The following LEPROT variants were observed in gnomAD, a reference collection of about 807,000 sequenced individuals.
LEPROT encodes the protein leptin receptor gene-related protein.
A neutral mutation model predicts 15.4 loss-of-function variants in LEPROT; 3 were observed. That is an observed-to-expected ratio of 0.19 (90% CI 0.09 to 0.50). The LOEUF (loss-of-function observed/expected upper bound fraction) is 0.50. Ranked by LOEUF, LEPROT falls within the 20% of genes least tolerant of loss-of-function variation. LEPROT has a pLI of 0.97. For synonymous variants in LEPROT, 59 were observed against 57.5 expected (o/e 1.03, Z -0.12); for missense variants, 137 against 162.2 (o/e 0.84, Z 0.84).
At chr1:65,423,959 A>C (rs574918141) in intron 1 of LEPROT, among the ~76,000 whole-genome samples, 6 of 152,190 alleles carry the variant, frequency 3.9e-5, no homozygotes, top group Admixed American at 2.0e-4. Flanking sequence ...TACATAGATT[A>C]TCTCATTTAA....
rs1646515210 is a variant in LEPROT, at chr1:65,433,401, C to T, written c.*1482C>T. 1 of 985,390 alleles carries T rather than the reference C, an allele frequency of 1.0e-6. No individual in the cohort carries two copies. The highest frequency in any genetic ancestry group is 4.7e-5 in the South Asian group (1 of 21,284). The allele number at this position is 985,390 out of a possible 1,614,324, so 61.0% of individuals were successfully genotyped here. On this transcript the variant is annotated 3_prime_UTR_variant, in exon 4 of 4. Coordinates refer to ENST00000371065, the MANE Select transcript of LEPROT (RefSeq NM_017526.5). The stretch of plus-strand genomic sequence containing the variant: ...GTTGGATCCTGTAATCACAGTTTTC[C>T]CTGCTCACCTTTTTGTCTAAGATCT...
At position 65,433,695 on chromosome 1, in the gene LEPROT, C is replaced by T. The variant is rs1417225610; in HGVS notation, c.*1776C>T. 1.0e-6 allele frequency: 1 copy of T among 969,874 alleles called. No homozygotes were observed. Among genetic ancestry groups the T allele is most frequent in the East Asian group, 1.1e-4 (1 of 8,758 alleles). The allele number at this position is 969,874 out of a possible 1,614,324, so 60.1% of individuals were successfully genotyped here. A position where few individuals can be genotyped will look rare whatever the true frequency, so the allele number is the denominator to read the frequency against. On this transcript the variant is annotated 3_prime_UTR_variant, in exon 4 of 4. Coordinates refer to ENST00000371065, the MANE Select transcript of LEPROT (RefSeq NM_017526.5). ...TATAGAATTGTTAAAGTTGTCATTT[C>T]CAATATTTATATTAGAAAAATTATT...
Position 65,434,706 on chromosome 1 carries a change from T to C in LEPROT, c.*2787T>C. Reference sequence around the variant, plus strand: ...CTCCTTTTAATTTTTCCACTCATTTTCACCTCCTAATGCCCTTGAGATCCA... The same window carrying C: ...CTCCTTTTAATTTTTCCACTCATTTCCACCTCCTAATGCCCTTGAGATCCA... On this transcript the variant is annotated 3_prime_UTR_variant, in exon 4 of 4. Transcript: ENST00000371065. The C allele has an allele frequency of 1.0e-6, 1 of 985,470 alleles. No homozygotes were observed. The highest frequency in any genetic ancestry group is 1.2e-6 in the Non-Finnish European group (1 of 829,950). The allele number at this position is 985,470 out of a possible 1,614,324, so 61.0% of individuals were successfully genotyped here.
intron 2 of LEPROT, among the ~76,000 whole-genome samples, chr1:65,425,946 T>C (rs2101683198): frequency 6.6e-6 from 1 of 152,234 alleles, no homozygotes; most frequent in African/African-American, 2.4e-5. Context: ...CCAGCTACTG[T>C]TATGGGAACT....
In LEPROT at chr1:65,434,298, CA is replaced by C. The variant is rs1290379834; in HGVS notation, c.*2380del. On this transcript the variant is annotated 3_prime_UTR_variant, in exon 4 of 4. Transcript: ENST00000371065. ...TGATCATGGTGACACAAATGTTGGA[CA>C]TTTTTTTCCTTATAAAAGGCTCTTT... 1.0e-5 allele frequency: 10 copies of C among 983,978 alleles called. No homozygotes were observed. The East Asian group carries it at 5.7e-4, about 56-fold the overall frequency. 61.0% of individuals were successfully genotyped at this position (983,978 alleles called of 1,614,324 possible).
In LEPROT at chr1:65,432,579, A is replaced by AG. The variant is rs1483165078; in HGVS notation, c.*660_*661insG. ...TGCTCATTTGTTTAAAAAAAAAAAA[A>AG]AAGTCTCACCTGCTTTCATGCTGAG... On this transcript the variant is annotated 3_prime_UTR_variant, in exon 4 of 4. Coordinates refer to ENST00000371065, the MANE Select transcript of LEPROT (RefSeq NM_017526.5). 4.1e-6 allele frequency: 4 copies of AG among 977,224 alleles called. No individual in the cohort carries two copies. In the East Asian group the frequency reaches 4.5e-4, roughly 111 times the overall value. 60.5% of individuals were successfully genotyped at this position (977,224 alleles called of 1,614,324 possible). A position where few individuals can be genotyped will look rare whatever the true frequency, so the allele number is the denominator to read the frequency against.
rs1003635317 is a variant in LEPROT at position 65,432,567 on chromosome 1, A to T, written c.*648A>T. On this transcript the variant is annotated 3_prime_UTR_variant, in exon 4 of 4. Transcript: ENST00000371065. ...CTGGGTGTTACCTGCTCATTTGTTT[A>T]AAAAAAAAAAAAAAGTCTCACCTGC... 2.8e-4 allele frequency: 26 copies of T among 93,356 alleles called. No individual in the cohort carries two copies. Among genetic ancestry groups the T allele is most frequent in the South Asian group, 4.3e-4 (1 of 2,350 alleles). The allele number at this position is 93,356 out of a possible 1,614,324, so 5.8% of individuals were successfully genotyped here. A position where few individuals can be genotyped will look rare whatever the true frequency, so the allele number is the denominator to read the frequency against.
At chr1:65,422,185 A>G (rs1557578209) in intron 1 of LEPROT, among the ~76,000 whole-genome samples, 1 of 152,350 alleles carries the variant, frequency 6.6e-6, no homozygotes, top group Non-Finnish European at 1.5e-5. Flanking sequence ...TTAAAATGAT[A>G]ACTGGTTTAA....
Position 65,420,796 on chromosome 1 carries a change from G to C in LEPROT, c.16+56G>C, listed in dbSNP as rs903265562. On this transcript the variant is annotated intron_variant, in intron 1 of 3. Coordinates refer to ENST00000371065, the MANE Select transcript of LEPROT (RefSeq NM_017526.5). ...GTGGTGGGGTTGCCACCTCCGTTCC[G>C]GTCAAGCCTGGGGCTGCGCCTTCCG... 16 of 1,553,710 alleles carry C rather than the reference G, an allele frequency of 1.0e-5. No homozygotes were observed. In the African/African-American group the frequency reaches 1.9e-4, roughly 19 times the overall value.
At position 65,432,872 on chromosome 1, in the gene LEPROT, C is replaced by T. The variant is rs1646505724; in HGVS notation, c.*953C>T. ...ATGTTAATTAGTGTAATCATTCCAC[C>T]TTATATTCAAAAATCATAAAACCGT... On this transcript the variant is annotated 3_prime_UTR_variant, in exon 4 of 4. Transcript: ENST00000371065. 3 of 784,692 alleles carry T rather than the reference C, an allele frequency of 3.8e-6. No homozygotes were observed. The South Asian group carries it at 1.7e-4, about 45-fold the overall frequency. The allele number at this position is 784,692 out of a possible 1,614,324, so 48.6% of individuals were successfully genotyped here.
At chr1:65,422,199 G>C (rs1418036600) in intron 1 of LEPROT, among the ~76,000 whole-genome samples, 1 of 152,166 alleles carries the variant, frequency 6.6e-6, no homozygotes, top group Non-Finnish European at 1.5e-5. Context: ...GGTTTAAGGT[G>C]GGCCCTAATC....
rs149031661 is a variant in LEPROT at position 65,431,295 on chromosome 1, A to G, written c.280-508A>G. On this transcript the variant is annotated intron_variant, in intron 3 of 3. Coordinates refer to ENST00000371065, the MANE Select transcript of LEPROT (RefSeq NM_017526.5). ...AAGTAAAACAAAAAATGCCCACTAG[A>G]GGGTACTCTCACCCCCAAATGTGCT... Among the ~76,000 whole-genome samples, 281 of 152,330 alleles carry G rather than the reference A, an allele frequency of 1.8e-3. 1 individual carries two copies. Among genetic ancestry groups the G allele is most frequent in the Middle Eastern group, 0.01 (3 of 294 alleles).
rs1236996332 is a variant in LEPROT at position 65,427,699 on chromosome 1, CT to C, written c.93-2160del. ...GTTTTAATTCTCTGTGATACACTGT[CT>C]TTGTAAGGTAAGAAAATGACTCATT... On this transcript the variant is annotated intron_variant, in intron 2 of 3. Coordinates refer to ENST00000371065, the MANE Select transcript of LEPROT (RefSeq NM_017526.5). 5.5e-5 allele frequency: 15 copies of C among 273,682 alleles called. 1 individual carries two copies. The Admixed American group carries it at 6.3e-4, about 11-fold the overall frequency. 17.0% of individuals were successfully genotyped at this position (273,682 alleles called of 1,614,324 possible). A position where few individuals can be genotyped will look rare whatever the true frequency, so the allele number is the denominator to read the frequency against.
rs567637781 is a variant in LEPROT at position 65,433,172 on chromosome 1, C to A, written c.*1253C>A. 5.9e-5 allele frequency: 58 copies of A among 985,452 alleles called. No individual in the cohort carries two copies. Among genetic ancestry groups the A allele is most frequent in the African/African-American group, 3.7e-4 (21 of 57,334 alleles). 61.0% of individuals were successfully genotyped at this position (985,452 alleles called of 1,614,324 possible). A position where few individuals can be genotyped will look rare whatever the true frequency, so the allele number is the denominator to read the frequency against. On this transcript the variant is annotated 3_prime_UTR_variant, in exon 4 of 4. Coordinates refer to ENST00000371065, the MANE Select transcript of LEPROT (RefSeq NM_017526.5). The stretch of plus-strand genomic sequence containing the variant: ...TCCCCAGCTCCTTCCCTCTGCCCCC[C>A]ACCCCTACTCCTCAACAGTTCTGGT...
rs879134302 is a variant in LEPROT at position 65,429,903 on chromosome 1, C to T, written c.134C>T (p.Ser45Phe). 1 of 1,536,032 alleles carries T rather than the reference C, an allele frequency of 6.5e-7. No individual in the cohort carries two copies. Among genetic ancestry groups the T allele is most frequent in the Admixed American group, 1.7e-5 (1 of 57,758 alleles). Residue 45 changes from serine (S) to phenylalanine (F), a missense_variant, in exon 3 of 4, where the codon TCC (serine) becomes TTC (phenylalanine). Ser to Phe is a radical substitution (Grantham distance 155). Coordinates refer to ENST00000371065, the MANE Select transcript of LEPROT (RefSeq NM_017526.5). ...TTCGTCCTGATTTTCCACGCCATCT[C>T]CCCCATCCCCCATTTCATTGCCAAA... ...PLFVLIFHAISPIPHFIAKRV... is the reference protein window; with the variant it reads ...PLFVLIFHAIFPIPHFIAKRV...
In LEPROT at chr1:65,429,845, C is replaced by T; in HGVS notation, c.93-17C>T. The stretch of plus-strand genomic sequence containing the variant: ...TGTTACTTTTCTTTTTGGATTTTGC[C>T]TGGGTCCAACTGACAGCGTTTACTG... On this transcript the variant is annotated splice_polypyrimidine_tract_variant and intron_variant, in intron 2 of 3. Transcript: ENST00000371065. The T allele has an allele frequency of 7.1e-7, 1 of 1,399,384 alleles. No homozygotes were observed. The highest frequency in any genetic ancestry group is 9.4e-7 in the Non-Finnish European group (1 of 1,062,098). The allele number at this position is 1,399,384 out of a possible 1,614,324, so 86.7% of individuals were successfully genotyped here. A position where few individuals can be genotyped will look rare whatever the true frequency, so the allele number is the denominator to read the frequency against.
Position 65,434,663 on chromosome 1 carries a change from C to A in LEPROT, c.*2744C>A. ...GACAGTGCAACTTTCCACCCCTTTT[C>A]CTAAGAACAAGGTCTTTCTCCTTTT... On this transcript the variant is annotated 3_prime_UTR_variant, in exon 4 of 4. Coordinates refer to ENST00000371065, the MANE Select transcript of LEPROT (RefSeq NM_017526.5). The A allele has an allele frequency of 1.0e-6, 1 of 985,404 alleles. No homozygotes were observed. Among genetic ancestry groups the A allele is most frequent in the East Asian group, 1.1e-4 (1 of 8,808 alleles). The allele number at this position is 985,404 out of a possible 1,614,324, so 61.0% of individuals were successfully genotyped here.
rs1570442355 is a variant in LEPROT at position 65,435,016 on chromosome 1, G to C, written c.*3097G>C. The C allele has an allele frequency of 1.0e-6, 1 of 985,330 alleles. No homozygotes were observed. The highest frequency in any genetic ancestry group is 1.1e-4 in the East Asian group (1 of 8,814). The allele number at this position is 985,330 out of a possible 1,614,324, so 61.0% of individuals were successfully genotyped here. A position where few individuals can be genotyped will look rare whatever the true frequency, so the allele number is the denominator to read the frequency against. On this transcript the variant is annotated 3_prime_UTR_variant, in exon 4 of 4. Coordinates refer to ENST00000371065, the MANE Select transcript of LEPROT (RefSeq NM_017526.5). ...TGACTGCTGCACCTGCGTTTTTAGA[G>C]AATGCCTCATAACCCACTGATTCTC...
intron 2 of LEPROT, among the ~76,000 whole-genome samples, chr1:65,426,956 C>T (rs1295910655): frequency 6.6e-6 from 1 of 151,840 alleles, no homozygotes; most frequent in East Asian, 1.9e-4. Flanking sequence ...CAAGATCGTG[C>T]CACTGCACTC....
Sources: allele counts gnomAD v4.1 joint callset (sites outside exome capture counted in the v4.1 genomes callset), GRCh38; gene constraint gnomAD v4.1.1; transcripts MANE v1.5; gene names NCBI Gene and HGNC (gene_info 2026-07-23, HGNC 2026-07-21).